SMYD3: variants seen among roughly 807,000 people sequenced by gnomAD.
The protein encoded by SMYD3 is histone-lysine N-methyltransferase SMYD3.
A neutral mutation model predicts 57.7 loss-of-function variants in SMYD3; 36 were observed. The observed-to-expected ratio is 0.62, with a 90% CI of 0.48 to 0.82. The LOEUF (loss-of-function observed/expected upper bound fraction) is 0.82, where lower values mean the gene tolerates loss of function less well. Among genes scored for constraint, SMYD3 ranks in the 40% least tolerant of loss-of-function variants. The pLI is 0.00. For synonymous variants in SMYD3, 211 were observed against 195.0 expected, an observed-to-expected ratio of 1.08 and a Z score of -0.68; for missense variants, 515 against 538.8, an observed-to-expected ratio of 0.96 and a Z score of 0.44.
intron 9 of SMYD3, among the ~76,000 whole-genome samples, chr1:245,862,794 C>T (rs1013526202): frequency 1.3e-5 from 2 of 152,214 alleles, no homozygotes; most frequent in African/African-American, 4.8e-5. Flanking sequence ...CCAAAGAAAG[C>T]TGTGACTCTG....
At chr1:246,312,164 C>T (rs1036983786) in intron 5 of SMYD3, among the ~76,000 whole-genome samples, 2 of 152,108 alleles carry the variant, frequency 1.3e-5, no homozygotes, top group Non-Finnish European at 2.9e-5. Context: ...GCTCCAGGAA[C>T]GTGGCATGAG....
chr1:246,330,994 G>C (rs2065450633), intron 3 of SMYD3, among the ~76,000 whole-genome samples: 1 of 152,118 alleles, frequency 6.6e-6, no homozygotes, highest in Non-Finnish European at 1.5e-5. Context: ...AATTAGCCAG[G>C]CATGGTGGCA....
intron 5 of SMYD3, among the ~76,000 whole-genome samples, chr1:246,152,114 G>T (rs755502602): frequency 6.6e-6 from 1 of 152,202 alleles, no homozygotes; most frequent in Non-Finnish European, 1.5e-5. Flanking sequence ...GAAGTGAAGG[G>T]TTCAGCCCAG....
intron 8 of SMYD3, among the ~76,000 whole-genome samples, chr1:245,912,016 AT>A (rs1242150819): frequency 6.6e-6 from 1 of 152,162 alleles, no homozygotes; most frequent in East Asian, 1.9e-4. Context: ...TCATATATCA[AT>A]AAAAATGTTT....
intron 10 of SMYD3, among the ~76,000 whole-genome samples, chr1:245,853,621 C>A (rs1175113552): frequency 6.6e-6 from 1 of 152,178 alleles, no homozygotes; most frequent in African/African-American, 2.4e-5. Context: ...GAAAGAACAA[C>A]TGGAGTTCTT....
chr1:246,348,645 G>A (rs972271223), intron 2 of SMYD3, among the ~76,000 whole-genome samples: 8 of 152,044 alleles, frequency 5.3e-5, no homozygotes, highest in African/African-American at 1.7e-4. Context: ...ACTACCTTTT[G>A]AGTACTATGC....
At chr1:246,463,849 A>G (rs2067844140) in intron 1 of SMYD3, among the ~76,000 whole-genome samples, 2 of 150,682 alleles carry the variant, frequency 1.3e-5, no homozygotes, top group Admixed American at 6.6e-5. Context: ...AAAAAAAAAA[A>G]AAAAAAGAGT....
chr1:245,824,761 C>A (rs141732645), intron 10 of SMYD3, among the ~76,000 whole-genome samples: 2,691 of 150,462 alleles, frequency 0.018, 78 homozygotes, highest in African/African-American at 0.061. Flanking sequence ...GCGGCTGAGG[C>A]GGGAGAATTG....
intron 5 of SMYD3, among the ~76,000 whole-genome samples, chr1:246,233,486 C>T (rs1354617216): frequency 7.4e-6 from 1 of 135,460 alleles, no homozygotes; most frequent in African/African-American, 2.7e-5. Flanking sequence ...AGAGGAGAAG[C>T]ACTCCTCAAT....
At chr1:246,088,865 G>A (rs1254487275) in intron 5 of SMYD3, among the ~76,000 whole-genome samples, 4 of 152,082 alleles carry the variant, frequency 2.6e-5, no homozygotes, top group African/African-American at 9.7e-5. Context: ...AAATTTATGT[G>A]TACATACACA....
At chr1:246,210,289 CAT>C (rs1303181052) in intron 5 of SMYD3, among the ~76,000 whole-genome samples, 2 of 152,162 alleles carry the variant, frequency 1.3e-5, no homozygotes, top group South Asian at 2.1e-4. Context: ...GCATAGTGCA[CAT>C]GTCAGCAACG....
At chr1:245,869,667 A>AC (rs1308779240) in intron 8 of SMYD3, among the ~76,000 whole-genome samples, 3 of 152,220 alleles carry the variant, frequency 2.0e-5, no homozygotes, top group East Asian at 1.9e-4. Context: ...CCCCTTGAAT[A>AC]CCGCCCTCCC....
intron 2 of SMYD3, among the ~76,000 whole-genome samples, chr1:246,353,850 T>TGTTA (rs2065870557): frequency 6.6e-6 from 1 of 152,226 alleles, no homozygotes; most frequent in African/African-American, 2.4e-5. Flanking sequence ...TAACTCTTAT[T>TGTTA]GTTAGTACAG....
intron 5 of SMYD3, chr1:246,052,485 T>A (rs1311339436): frequency 6.6e-6 from 1 of 152,262 alleles, no homozygotes. Flanking sequence ...CATGATTTTC[T>A]AATAGTACGC....
At chr1:246,503,188 C>A (rs776501021) in intron 1 of SMYD3, among the ~76,000 whole-genome samples, 1 of 152,148 alleles carries the variant, frequency 6.6e-6, no homozygotes, top group Admixed American at 6.5e-5. Context: ...TCTGTCCCCC[C>A]GCTGCCCACA....
At chr1:246,311,188 A>T (rs2065069959) in intron 5 of SMYD3, among the ~76,000 whole-genome samples, 1 of 152,256 alleles carries the variant, frequency 6.6e-6, no homozygotes, top group Non-Finnish European at 1.5e-5. Context: ...TTCCACTCCA[A>T]TAAACTAAAA....
In SMYD3 at chr1:246,408,663, CTTTTTTTTTTTT is replaced by C. The variant is rs5782392; in HGVS notation, c.165-53581_165-53570del. Reference sequence around the variant, plus strand: ...CCTAATCCCTATCTCAGAAGCAAGTCTTTTTTTTTTTTTTTTTTTTTTTTGAGATGGAGTCTA... The same window carrying C: ...CCTAATCCCTATCTCAGAAGCAAGTCTTTTTTTTTTTTGAGATGGAGTCTA... On this transcript the variant is annotated intron_variant, in intron 1 of 11. Transcript: ENST00000490107. Among the ~76,000 whole-genome samples the C allele has an allele frequency of 1.5e-3, 97 of 65,544 alleles. 1 individual carries two copies. The highest frequency in any genetic ancestry group is 5.3e-3 in the African/African-American group (92 of 17,500). The allele number at this position is 65,544 out of a possible 152,430, so 43.0% of individuals were successfully genotyped here. A position where few individuals can be genotyped will look rare whatever the true frequency, so the allele number is the denominator to read the frequency against.
In SMYD3 at chr1:245,863,732, G is replaced by C. The variant is rs2153404; in HGVS notation, c.901+67C>G. 1 allele frequency: 1,470,811 copies of C among 1,473,536 alleles called. 734,093 individuals are homozygous for C. The highest frequency in any genetic ancestry group is 1 in the East Asian group (44,038 of 44,040). 91.3% of individuals were successfully genotyped at this position (1,473,536 alleles called of 1,614,324 possible). A position where few individuals can be genotyped will look rare whatever the true frequency, so the allele number is the denominator to read the frequency against. On this transcript the variant is annotated intron_variant, in intron 9 of 11. Coordinates refer to ENST00000490107, the MANE Select transcript of SMYD3 (RefSeq NM_001167740.2). ...CAAACCCCGCCTCTGACCTCATTAC[G>C]ACAGGGCTTCAAGAAAACAAGGAAA...
chr1:245,928,180 G>T, intron 6 of SMYD3, 147 bp from the exon 7 acceptor site: 1 of 534,662 alleles, frequency 1.9e-6, no homozygotes, highest in Non-Finnish European at 3.4e-6. Flanking sequence ...ACTCGGGGAT[G>T]CATTCACAGA....
Sources: gnomAD v4.1 joint callset for allele counts (sites outside exome capture counted in the v4.1 genomes callset) on GRCh38, gnomAD v4.1.1 for gene constraint, MANE v1.5 for transcripts, NCBI Gene and HGNC (gene_info 2026-07-23, HGNC 2026-07-21) for gene names.